COLEC12: variants seen among roughly 807,000 people sequenced by gnomAD.
COLEC12 encodes collectin subfamily member 12, also known as collectin-12.
COLEC12 carries 33 observed loss-of-function variants against 71.1 expected under a neutral mutation model. The observed-to-expected ratio is 0.46, with a 90% CI of 0.35 to 0.62. COLEC12 has a LOEUF of 0.62. Ranked by LOEUF, COLEC12 falls within the 20% of genes least tolerant of loss-of-function variation. COLEC12 has a pLI of 0.00. For synonymous variants in COLEC12, 350 were observed against 353.0 expected, an observed-to-expected ratio of 0.99 and a Z score of 0.10; for missense variants, 765 against 916.1, an observed-to-expected ratio of 0.84 and a Z score of 2.13.
At chr18:329,388 C>CT in intron 8 of COLEC12, among the ~76,000 whole-genome samples, 1 of 152,172 alleles carries the variant, frequency 6.6e-6, no homozygotes, top group African/African-American at 2.4e-5. Context: ...TCCCAACTCT[C>CT]TTAAAAAAAA....
chr18:467,869 A>C (rs940599284), intron 2 of COLEC12, among the ~76,000 whole-genome samples: 2 of 146,096 alleles, frequency 1.4e-5, no homozygotes, highest in Non-Finnish European at 2.9e-5. Flanking sequence ...AATTTTTGCC[A>C]ACTAAATTTT....
intron 2 of COLEC12, among the ~76,000 whole-genome samples, chr18:429,511 A>G (rs2143670840): frequency 6.6e-6 from 1 of 152,048 alleles, no homozygotes; most frequent in South Asian, 2.1e-4. Flanking sequence ...CCTCCTGAGT[A>G]ACTGGGATTA....
chr18:459,705 C>G (rs1407201626), intron 2 of COLEC12, among the ~76,000 whole-genome samples: 1 of 152,242 alleles, frequency 6.6e-6, no homozygotes, highest in Admixed American at 6.5e-5. Flanking sequence ...ATGGTGGAAG[C>G]AGAGCCAGGG....
At chr18:335,251 G>A (rs1221845537) in intron 5 of COLEC12, 21 bp from the exon 6 acceptor site, 1 of 1,566,832 alleles carries the variant, frequency 6.4e-7, no homozygotes, top group Admixed American at 2.2e-5. Flanking sequence ...AAAGAAAAAG[G>A]TGTCAACATG....
chr18:484,661 AC>A (rs1362683435), intron 1 of COLEC12, among the ~76,000 whole-genome samples: 1 of 152,198 alleles, frequency 6.6e-6, no homozygotes, highest in Non-Finnish European at 1.5e-5. Flanking sequence ...TGGTTTTGGA[AC>A]CACCAGAGAC....
intron 3 of COLEC12, among the ~76,000 whole-genome samples, chr18:357,149 GA>G (rs912028495): frequency 5.5e-4 from 83 of 151,954 alleles, no homozygotes; most frequent in African/African-American, 1.9e-3. Flanking sequence ...AGCAACAAGG[GA>G]AAAAAAACTT....
intron 2 of COLEC12, among the ~76,000 whole-genome samples, chr18:457,455 C>G (rs1164573411): frequency 6.6e-6 from 1 of 152,228 alleles, no homozygotes; most frequent in Non-Finnish European, 1.5e-5. Flanking sequence ...GTCCATGTCA[C>G]ATGCTGGAGC....
At chr18:435,547 T>C (rs555989089) in intron 2 of COLEC12, among the ~76,000 whole-genome samples, 1 of 152,332 alleles carries the variant, frequency 6.6e-6, no homozygotes, top group Admixed American at 6.5e-5. Flanking sequence ...TAATTCAAGA[T>C]GAGATTTGGG....
At chr18:390,421 G>A (rs1268658705) in intron 2 of COLEC12, among the ~76,000 whole-genome samples, 1 of 152,148 alleles carries the variant, frequency 6.6e-6, no homozygotes, top group African/African-American at 2.4e-5. Flanking sequence ...AGTTCAATGG[G>A]CTAAGGATCA....
intron 2 of COLEC12, among the ~76,000 whole-genome samples, chr18:403,641 G>A (rs772238643): frequency 9.2e-5 from 14 of 152,254 alleles, no homozygotes; most frequent in South Asian, 2.1e-4. Context: ...TTTCTTTTGA[G>A]AATTTCTAAA....
intron 2 of COLEC12, among the ~76,000 whole-genome samples, chr18:442,854 A>G (rs958829192): frequency 2.0e-5 from 3 of 152,208 alleles, no homozygotes; most frequent in East Asian, 1.9e-4. Flanking sequence ...CCAGCTACTC[A>G]GGAGGCTGAG....
intron 3 of COLEC12, among the ~76,000 whole-genome samples, chr18:353,092 G>A (rs73942867): frequency 0.063 from 9,643 of 152,088 alleles, 1,001 homozygotes; most frequent in African/African-American, 0.22. Flanking sequence ...AAAGCACTTC[G>A]GTATCATCCC....
intron 2 of COLEC12, among the ~76,000 whole-genome samples, chr18:423,146 G>C (rs1371256389): frequency 6.6e-6 from 1 of 152,126 alleles, no homozygotes; most frequent in Non-Finnish European, 1.5e-5. Context: ...GTTGATGCCT[G>C]TAATCCTAGC....
At chr18:398,214 A>T (rs965634646) in intron 2 of COLEC12, among the ~76,000 whole-genome samples, 4 of 152,250 alleles carry the variant, frequency 2.6e-5, no homozygotes, top group African/African-American at 9.6e-5. Context: ...TTCAGCAGAA[A>T]TATTATCTGC....
chr18:384,358 C>T (rs1056693051), intron 2 of COLEC12, among the ~76,000 whole-genome samples: 4 of 151,866 alleles, frequency 2.6e-5, no homozygotes, highest in African/African-American at 9.7e-5. Context: ...TGGAGTGTGA[C>T]CAGGATAGAG....
chr18:440,360 A>AACACACAC lies in COLEC12; in HGVS notation c.58+40339_58+40346dup, dbSNP rs77004542. On this transcript the variant is annotated intron_variant, in intron 2 of 9. Coordinates refer to ENST00000400256, the MANE Select transcript of COLEC12 (RefSeq NM_130386.3). ...AAAGAAGTAGGTCTGAAATGTTCTC[A>AACACACAC]ACACACACACACACACATACACACA... 5.2e-3 allele frequency among the ~76,000 whole-genome samples: 623 copies of AACACACAC among 118,828 alleles called. 5 individuals carry two copies. The highest frequency in any genetic ancestry group is 0.02 in the African/African-American group (597 of 30,590). The allele number at this position is 118,828 out of a possible 152,430, so 78.0% of individuals were successfully genotyped here. A position where few individuals can be genotyped will look rare whatever the true frequency, so the allele number is the denominator to read the frequency against.
At chr18:481,502 C>T (rs768407351) in intron 1 of COLEC12, among the ~76,000 whole-genome samples, 4 of 152,042 alleles carry the variant, frequency 2.6e-5, no homozygotes, top group Non-Finnish European at 5.9e-5. Context: ...GTCAGGAGTT[C>T]GAGCCCAGCC....
intron 3 of COLEC12, among the ~76,000 whole-genome samples, chr18:348,992 G>C (rs1187815711): frequency 6.6e-6 from 1 of 152,124 alleles, no homozygotes; most frequent in African/African-American, 2.4e-5. Context: ...ATACTGTTCT[G>C]GTGGTAGTGA....
At chr18:420,465 AG>A (rs2143652753) in intron 2 of COLEC12, among the ~76,000 whole-genome samples, 1 of 152,334 alleles carries the variant, frequency 6.6e-6, no homozygotes, top group African/African-American at 2.4e-5. Context: ...AAATATATGT[AG>A]ATTAAATGCC....
Sources: gnomAD v4.1 joint callset for allele counts (sites outside exome capture counted in the v4.1 genomes callset) on GRCh38, gnomAD v4.1.1 for gene constraint, MANE v1.5 for transcripts, NCBI Gene and HGNC (gene_info 2026-07-23, HGNC 2026-07-21) for gene names.